The following TPPP2 variants were observed in gnomAD, a reference collection of about 807,000 sequenced individuals.
TPPP2 encodes the protein tubulin polymerization promoting protein family member 2.
In TPPP2, 8 loss-of-function variants were observed where a neutral mutation model predicts 13.0. That is an observed-to-expected ratio of 0.62 (90% CI 0.36 to 1.11). TPPP2 has a LOEUF of 1.11. TPPP2 is among the 50% of genes most tolerant of loss of function. TPPP2 has a pLI of 0.02. For missense variants in TPPP2, 213 were observed against 216.9 expected, an observed-to-expected ratio of 0.98 and a Z score of 0.11; for synonymous variants, 81 against 81.8, an observed-to-expected ratio of 0.99 and a Z score of 0.05.
upstream of TPPP2, among the ~76,000 whole-genome samples, chr14:21,027,020 A>T (rs967663768): frequency 2.6e-5 from 4 of 152,140 alleles, no homozygotes; most frequent in Admixed American, 6.5e-5. Context: ...GAAGGACCTG[A>T]AGGTTCCAGC....
downstream of TPPP2, chr14:21,033,730 C>G: frequency 1.0e-6 from 1 of 961,324 alleles, no homozygotes; most frequent in East Asian, 2.4e-5. Context: ...CCTCGTAAGT[C>G]AGGAAGGAAG....
downstream of TPPP2, chr14:21,035,653 G>A (rs1449619914): frequency 2.4e-6 from 1 of 411,164 alleles, no homozygotes; most frequent in Non-Finnish European, 4.9e-6. Flanking sequence ...CTCAGGAGGA[G>A]GGAGTAAGGC....
downstream of TPPP2, chr14:21,032,975 C>G (rs2139086050): frequency 2.2e-6 from 1 of 456,060 alleles, no homozygotes; most frequent in East Asian, 7.0e-5. Context: ...TCGATTAGAG[C>G]CGGGCCTGCC....
rs1594479782 is a variant in TPPP2, at chr14:21,032,260, A to C, written c.*183A>C. 5 of 700,974 alleles carry C rather than the reference A, an allele frequency of 7.1e-6. No homozygotes were observed. In the East Asian group the frequency reaches 1.4e-4, roughly 20 times the overall value. 43.4% of individuals were successfully genotyped at this position (700,974 alleles called of 1,614,324 possible). On this transcript the variant is annotated 3_prime_UTR_variant, in exon 4 of 4. Transcript: ENST00000321760. ...CAGGAGGGTGGGTTCTCCACCACAC[A>C]CCCTTCGCTCTGCTTAGCCTTATGC...
chr14:21,030,529 T>G lies in TPPP2; in HGVS notation c.-53T>G. On this transcript the variant is annotated 5_prime_UTR_variant, in exon 2 of 4. Coordinates refer to ENST00000321760, the MANE Select transcript of TPPP2 (RefSeq NM_173846.5). ...ACTCCACAGTCCTCCCTCCCCCTTC[T>G]CCTTCACCCCCAAGTGTCTCCCACG... The G allele has an allele frequency of 6.4e-7, 1 of 1,572,208 alleles. No homozygotes were observed. The highest frequency in any genetic ancestry group is 8.7e-7 in the Non-Finnish European group (1 of 1,153,478).
chr14:21,033,678 A>G, downstream of TPPP2: 1 of 676,270 alleles, frequency 1.5e-6, no homozygotes, highest in East Asian at 2.6e-5. Flanking sequence ...AGCCCTGGAC[A>G]TTTTCGCACC....
chr14:21,035,417 C>T (rs770197564), downstream of TPPP2, among the ~76,000 whole-genome samples: 12 of 152,208 alleles, frequency 7.9e-5, no homozygotes, highest in Non-Finnish European at 1.2e-4. Flanking sequence ...GGCCACGCTC[C>T]TATCTTTTTC....
chr14:21,030,633 T>A lies in TPPP2; in HGVS notation c.52T>A (p.Ser18Thr). 1.9e-6 allele frequency: 3 copies of A among 1,614,020 alleles called. No homozygotes were observed. Among genetic ancestry groups the A allele is most frequent in the African/African-American group, 1.3e-5 (1 of 75,012 alleles). ...CCATCGGTTTGCTGCGTTTGGAGAATCATCAAGCAGTGGCACTGAAATGAA... is the reference window on the plus strand; with the variant it reads ...CCATCGGTTTGCTGCGTTTGGAGAAACATCAAGCAGTGGCACTGAAATGAA... The part of the protein sequence containing the change: ...TFHRFAAFGE[S>T]SSSGTEMNNK... Residue 18 changes from serine to threonine, a missense_variant, in exon 2 of 4, where the codon TCA becomes ACA. Transcript: ENST00000321760.
Position 21,025,208 on chromosome 14 carries a change from G to A in TPPP2, n.236+864G>A, listed in dbSNP as rs1452532869. ...CCCCTTTCACCCCGCCCAGACTGCC[G>A]CTCAGGAAAGGGTTGTGCTGGGGCC... On this transcript the variant is annotated intron_variant and non_coding_transcript_variant, in intron 1 of 1. Transcript: ENST00000533755. This position sits in a 1 kb window ranked among gnomAD's most constrained non-coding sequence, Gnocchi z 5.1. 3 of 862,554 alleles carry A rather than the reference G, an allele frequency of 3.5e-6. No homozygotes were observed. The highest frequency in any genetic ancestry group is 1.2e-4 in the East Asian group (1 of 8,218). The allele number at this position is 862,554 out of a possible 1,614,324, so 53.4% of individuals were successfully genotyped here. A position where few individuals can be genotyped will look rare whatever the true frequency, so the allele number is the denominator to read the frequency against.
At chr14:21,028,008 C>T (rs1195482969), upstream of TPPP2, among the ~76,000 whole-genome samples, 1 of 152,126 alleles carries the variant, frequency 6.6e-6, no homozygotes, top group Admixed American at 6.6e-5. Flanking sequence ...TTAGTGTTAT[C>T]GTCCTCACTG....
At chr14:21,026,803 C>G (rs1369876224), upstream of TPPP2, among the ~76,000 whole-genome samples, 1 of 152,130 alleles carries the variant, frequency 6.6e-6, no homozygotes, top group Non-Finnish European at 1.5e-5. Context: ...GGCTCCTCTC[C>G]TAGTCCCCTC....
At chr14:21,024,706 T>A (rs553060433) in intron 1 of TPPP2, 1 of 985,302 alleles carries the variant, frequency 1.0e-6, no homozygotes, top group African/African-American at 1.7e-5. Context: ...CGGGAAGGGA[T>A]GGGTAGGACA....
At chr14:21,027,311 A>C (rs1160156410), upstream of TPPP2, among the ~76,000 whole-genome samples, 3 of 152,228 alleles carry the variant, frequency 2.0e-5, no homozygotes, top group Non-Finnish European at 4.4e-5. Context: ...GCTTCACACT[A>C]TACCTTCAAG....
In TPPP2 at chr14:21,031,086, A is replaced by G; in HGVS notation, c.248A>G (p.Lys83Arg). ...AAGGAACTGGGCCAGAAGCGCTTCAAAGGGAAGAGTCCAGATGAAGTCCTG... is the reference window on the plus strand; with the variant it reads ...AAGGAACTGGGCCAGAAGCGCTTCAGAGGGAAGAGTCCAGATGAAGTCCTG... ...AVKELGQKRF[K>R]GKSPDEVLEN... Residue 83 changes from lysine to arginine, a missense_variant, in exon 3 of 4, where the codon AAA (lysine) becomes AGA (arginine). Lys to Arg is a conservative substitution (Grantham distance 26). Transcript: ENST00000321760. 6.2e-7 allele frequency: 1 copy of G among 1,614,172 alleles called. No individual in the cohort carries two copies. The highest frequency in any genetic ancestry group is 8.5e-7 in the Non-Finnish European group (1 of 1,180,022).
chr14:21,030,346 G>C (rs910501349), intron 1 of TPPP2, 42 bp downstream of exon 1: 10 of 523,238 alleles, frequency 1.9e-5, no homozygotes, highest in Non-Finnish European at 1.7e-5. Flanking sequence ...CATTCAGTAG[G>C]TAGGATCCAC....
chr14:21,033,808 G>T (rs2139089603), downstream of TPPP2: 1 of 1,547,260 alleles, frequency 6.5e-7, no homozygotes, highest in East Asian at 2.2e-5. Context: ...GTTGGGGAGT[G>T]GCTCAGGAAT....
At chr14:21,025,808 G>C, upstream of TPPP2, 6 of 785,622 alleles carry the variant, frequency 7.6e-6, no homozygotes, top group Non-Finnish European at 9.3e-6. This position sits in a 1 kb window ranked among gnomAD's most constrained non-coding sequence, Gnocchi z 5.1. Context: ...GGGCAGGCGG[G>C]GGGTGGGGAG....
At chr14:21,031,240 G>A in intron 3 of TPPP2, 75 bp downstream of exon 3, 2 of 1,544,246 alleles carry the variant, frequency 1.3e-6, no homozygotes, top group African/African-American at 2.7e-5. Flanking sequence ...CCCTAACCCT[G>A]CCAACTGTGT....
chr14:21,027,722 G>A (rs574573319), upstream of TPPP2, among the ~76,000 whole-genome samples: 188 of 152,178 alleles, frequency 1.2e-3, no homozygotes, highest in Admixed American at 2.6e-3. Flanking sequence ...CAGATTCTAG[G>A]GCCCTTTGCA....
Sources: gnomAD v4.1 joint callset for allele counts (sites outside exome capture counted in the v4.1 genomes callset) on GRCh38, gnomAD v4.1.1 for gene constraint, Gnocchi (gnomAD v3.1) non-coding constraint, MANE v1.5 for transcripts, NCBI Gene and HGNC (gene_info 2026-07-23, HGNC 2026-07-21) for gene names.